DLG2: variants seen among roughly 807,000 people sequenced by gnomAD.
The protein encoded by DLG2 is discs large MAGUK scaffold protein 2, also known as disks large homolog 2.
In DLG2, 45 loss-of-function variants were observed where a neutral mutation model predicts 132.5. The ratio of observed to expected loss-of-function variants is 0.34; its 90% CI spans 0.27 to 0.44. DLG2 has a LOEUF of 0.44. Ranked by LOEUF, DLG2 falls within the 20% of genes least tolerant of loss-of-function variation. The pLI, the probability that DLG2 is intolerant of heterozygous loss-of-function variation, is 1.00. For missense variants in DLG2, 1,045 were observed against 1,196.9 expected (o/e 0.87, Z 1.87); for synonymous variants, 424 against 419.6 (o/e 1.01, Z -0.13).
intron 3 of DLG2, among the ~76,000 whole-genome samples, chr11:85,411,077 C>G (rs1488530254): frequency 6.6e-6 from 1 of 151,466 alleles, no homozygotes; most frequent in Non-Finnish European, 1.5e-5. Flanking sequence ...GAAATAAAAG[C>G]AAGAGATTTG....
chr11:84,639,884 T>C (rs1172640549), intron 6 of DLG2: 1 of 176,508 alleles, frequency 5.7e-6, no homozygotes, highest in Non-Finnish European at 1.2e-5. Context: ...AGACTGACAA[T>C]AGAATTTCCT....
At chr11:85,526,406 A>T (rs559349126) in intron 3 of DLG2, among the ~76,000 whole-genome samples, 30 of 152,310 alleles carry the variant, frequency 2.0e-4, no homozygotes, top group African/African-American at 7.2e-4. Flanking sequence ...TAAAGACCTG[A>T]CAGAAAAAAA....
intron 6 of DLG2, among the ~76,000 whole-genome samples, chr11:84,708,135 G>A (rs971013270): frequency 1.3e-5 from 2 of 151,756 alleles, no homozygotes; most frequent in Non-Finnish European, 2.9e-5. Context: ...ATATTATGGA[G>A]AAATGGTCTT....
chr11:84,673,021 C>T (rs775867651), intron 6 of DLG2, among the ~76,000 whole-genome samples: 22 of 152,056 alleles, frequency 1.4e-4, no homozygotes, highest in East Asian at 1.9e-4. Context: ...CCAGACTTAA[C>T]GAGAACTCAC....
intron 2 of DLG2, among the ~76,000 whole-genome samples, chr11:85,616,326 T>A (rs2081337789): frequency 6.6e-6 from 1 of 152,168 alleles, no homozygotes. Context: ...AAGCATTAAA[T>A]CCCTTTTTTA....
chr11:85,489,108 C>T (rs951277950), intron 3 of DLG2, among the ~76,000 whole-genome samples: 5 of 152,046 alleles, frequency 3.3e-5, no homozygotes, highest in African/African-American at 1.2e-4. Flanking sequence ...ATTACAGGCT[C>T]CACTTAAGAG....
intron 4 of DLG2, among the ~76,000 whole-genome samples, chr11:85,258,452 T>G (rs189985984): frequency 1.3e-5 from 2 of 152,284 alleles, no homozygotes; most frequent in African/African-American, 4.8e-5. Context: ...TTCAAGCAAC[T>G]GAAATATGAA....
chr11:84,716,507 C>A (rs895595025), intron 6 of DLG2, among the ~76,000 whole-genome samples: 2 of 151,856 alleles, frequency 1.3e-5, no homozygotes, highest in African/African-American at 4.8e-5. Context: ...TATAGGCTGG[C>A]CCTTGAAATT....
intron 3 of DLG2, among the ~76,000 whole-genome samples, chr11:85,305,575 C>T (rs980681109): frequency 1.3e-5 from 2 of 152,054 alleles, no homozygotes; most frequent in African/African-American, 2.4e-5. Context: ...TGCAGTGGCG[C>T]GATCTCGGCT....
At chr11:83,509,882 T>C (rs2094917822) in intron 21 of DLG2, among the ~76,000 whole-genome samples, 1 of 152,142 alleles carries the variant, frequency 6.6e-6, no homozygotes, top group South Asian at 2.1e-4. Flanking sequence ...TCATCAGTTA[T>C]TTCTTGAGCG....
At chr11:84,333,353 G>C (rs572188565) in intron 7 of DLG2, among the ~76,000 whole-genome samples, 1 of 152,246 alleles carries the variant, frequency 6.6e-6, no homozygotes, top group East Asian at 1.9e-4. Context: ...TAAAATATGT[G>C]CTCTTACGAT....
chr11:85,124,252 T>G (rs1045753461), intron 5 of DLG2, among the ~76,000 whole-genome samples: 2 of 152,234 alleles, frequency 1.3e-5, no homozygotes, highest in Non-Finnish European at 2.9e-5. Flanking sequence ...TTAACTTAAG[T>G]TTGCTTAAGT....
intron 6 of DLG2, among the ~76,000 whole-genome samples, chr11:84,767,189 T>C (rs2068546629): frequency 6.6e-6 from 1 of 152,090 alleles, no homozygotes; most frequent in Admixed American, 6.6e-5. Context: ...TAGATGCTCA[T>C]TAGATATTAA....
intron 6 of DLG2, among the ~76,000 whole-genome samples, chr11:85,103,452 T>C (rs949499512): frequency 3.3e-5 from 5 of 152,108 alleles, no homozygotes; most frequent in Admixed American, 1.3e-4. Flanking sequence ...TGGACACTTA[T>C]ACTTACAGTC....
At chr11:85,394,995 G>A (rs1233222626) in intron 3 of DLG2, among the ~76,000 whole-genome samples, 1 of 152,180 alleles carries the variant, frequency 6.6e-6, no homozygotes, top group African/African-American at 2.4e-5. Flanking sequence ...GGCCTAAGGA[G>A]TAGTACCAGA....
intron 6 of DLG2, among the ~76,000 whole-genome samples, chr11:84,604,398 TGAA>T (rs990631561): frequency 6.6e-6 from 1 of 151,840 alleles, no homozygotes; most frequent in African/African-American, 2.4e-5. Flanking sequence ...GATAAGATAA[TGAA>T]GCTAGAGATG....
intron 21 of DLG2, among the ~76,000 whole-genome samples, chr11:83,522,271 T>G (rs1378060563): frequency 6.6e-6 from 1 of 152,222 alleles, no homozygotes; most frequent in African/African-American, 2.4e-5. Flanking sequence ...ACTCTATTCA[T>G]GTTTTGCTAA....
intron 17 of DLG2, among the ~76,000 whole-genome samples, chr11:83,804,534 C>G (rs1391015491): frequency 6.6e-6 from 1 of 150,452 alleles, no homozygotes; most frequent in Non-Finnish European, 1.5e-5. Flanking sequence ...CCCTCTCTTC[C>G]TCCTTCTCAC....
At chr11:85,304,720 G>C (rs1427321893) in intron 3 of DLG2, among the ~76,000 whole-genome samples, 2 of 152,146 alleles carry the variant, frequency 1.3e-5, no homozygotes, top group East Asian at 1.9e-4. Context: ...TCAACCTGTA[G>C]TACAGAATAC....
Sources: allele counts gnomAD v4.1 joint callset (sites outside exome capture counted in the v4.1 genomes callset), GRCh38; gene constraint gnomAD v4.1.1; transcripts MANE v1.5; gene names NCBI Gene and HGNC (gene_info 2026-07-23, HGNC 2026-07-21).